PAPSS2: variants seen among roughly 807,000 people sequenced by gnomAD.
PAPSS2 encodes the protein 3'-phosphoadenosine 5'-phosphosulfate synthase 2, also known as bifunctional 3'-phosphoadenosine 5'-phosphosulfate synthase 2.
Under a neutral mutation model 66.5 loss-of-function variants are expected in PAPSS2, and 61 were observed. That is an observed-to-expected ratio of 0.92 (90% CI 0.75 to 1.14). PAPSS2 has a LOEUF of 1.14. PAPSS2 is among the 50% of genes most tolerant of loss of function. The probability of loss-of-function intolerance (pLI) is 0.00; values close to 1 mark genes in which losing one functional copy is unlikely to be tolerated. For missense variants in PAPSS2, 708 were observed against 789.6 expected (o/e 0.90, Z 1.24); for synonymous variants, 289 against 287.5 (o/e 1.01, Z -0.05).
rs138713474 is a variant in PAPSS2 at position 87,717,885 on chromosome 10, G to A, written c.865+2042G>A. Among the ~76,000 whole-genome samples the A allele has an allele frequency of 1.6e-3, 246 of 152,268 alleles. 1 individual carries two copies. Among genetic ancestry groups the A allele is most frequent in the African/African-American group, 5.6e-3 (232 of 41,554 alleles). ...TTATAGACAACAAATTCTTAAAAGA[G>A]TCTGTGATCCAAAAAGATGAAGAAC... On this transcript the variant is annotated intron_variant, in intron 7 of 12. Coordinates refer to ENST00000456849, the MANE Select transcript of PAPSS2 (RefSeq NM_001015880.2).
chr10:87,705,984 G>A (rs527746217), intron 1 of PAPSS2, among the ~76,000 whole-genome samples: 21 of 150,006 alleles, frequency 1.4e-4, no homozygotes, highest in Middle Eastern at 6.8e-3. Flanking sequence ...TGCCCGCCTC[G>A]GCCTCCCAGA....
chr10:87,684,746 T>A (rs1226133239), intron 1 of PAPSS2, among the ~76,000 whole-genome samples: 4 of 152,210 alleles, frequency 2.6e-5, no homozygotes, highest in African/African-American at 9.7e-5. Context: ...GTAGGTGCTA[T>A]TATTCCATCC....
intron 1 of PAPSS2, among the ~76,000 whole-genome samples, chr10:87,703,115 G>A (rs1853338036): frequency 1.3e-5 from 2 of 152,294 alleles, no homozygotes; most frequent in African/African-American, 4.8e-5. Context: ...CCAGGGCAAA[G>A]GCCATCCTCC....
chr10:87,724,511 T>A (rs922223205), intron 8 of PAPSS2, among the ~76,000 whole-genome samples: 18 of 151,702 alleles, frequency 1.2e-4, no homozygotes, highest in African/African-American at 4.1e-4. Flanking sequence ...ACAAACAGGA[T>A]GCATATCTGT....
intron 1 of PAPSS2, among the ~76,000 whole-genome samples, chr10:87,705,282 T>C (rs1331370742): frequency 6.6e-6 from 1 of 152,252 alleles, no homozygotes; most frequent in Non-Finnish European, 1.5e-5. Flanking sequence ...GATTATTGAA[T>C]AGTATAACCA....
chr10:87,743,020 C>A (rs1408097435), intron 10 of PAPSS2, among the ~76,000 whole-genome samples: 1 of 152,042 alleles, frequency 6.6e-6, no homozygotes, highest in Non-Finnish European at 1.5e-5. Flanking sequence ...CTGAGGCAGG[C>A]GGATCACTTG....
intron 9 of PAPSS2, among the ~76,000 whole-genome samples, chr10:87,730,031 C>A (rs1853709944): frequency 6.6e-6 from 1 of 152,116 alleles, no homozygotes; most frequent in African/African-American, 2.4e-5. Flanking sequence ...ATTAGGCCTC[C>A]TGGGCCAGTT....
intron 10 of PAPSS2, 92 bp from the exon 11 acceptor site, chr10:87,743,281 G>GAACAATA: frequency 8.2e-7 from 1 of 1,226,934 alleles, no homozygotes; most frequent in Non-Finnish European, 1.2e-6. Flanking sequence ...TGAATGCACA[G>GAACAATA]AACAATAAAC....
intron 1 of PAPSS2, among the ~76,000 whole-genome samples, chr10:87,682,271 G>A (rs1314682330): frequency 6.6e-6 from 1 of 152,152 alleles, no homozygotes; most frequent in African/African-American, 2.4e-5. Flanking sequence ...GTCTACAGAG[G>A]AGCAAAGGGT....
At chr10:87,665,835 T>C (rs1852809728) in intron 1 of PAPSS2, among the ~76,000 whole-genome samples, 1 of 152,240 alleles carries the variant, frequency 6.6e-6, no homozygotes, top group Non-Finnish European at 1.5e-5. Context: ...TATGCTCCTC[T>C]CAGCAAATAT....
intron 1 of PAPSS2, among the ~76,000 whole-genome samples, chr10:87,666,376 C>G (rs970270903): frequency 6.6e-6 from 1 of 152,236 alleles, no homozygotes; most frequent in South Asian, 2.1e-4. Context: ...GACCTCTACC[C>G]TTTCTAGATT....
intron 1 of PAPSS2, among the ~76,000 whole-genome samples, chr10:87,705,664 G>A (rs973032052): frequency 6.6e-6 from 1 of 151,960 alleles, no homozygotes; most frequent in Admixed American, 6.6e-5. Context: ...CTGGCCTTGT[G>A]TATGTCTTCC....
At chr10:87,676,061 A>T (rs1852942348) in intron 1 of PAPSS2, among the ~76,000 whole-genome samples, 1 of 149,266 alleles carries the variant, frequency 6.7e-6, no homozygotes, top group South Asian at 2.1e-4. Flanking sequence ...AATATTTAAA[A>T]TTAAATATTC....
chr10:87,701,319 C>CTTT (rs1853304868), intron 1 of PAPSS2, among the ~76,000 whole-genome samples: 23 of 95,552 alleles, frequency 2.4e-4, no homozygotes, highest in African/African-American at 1.1e-3. Context: ...TTCCTTCCTT[C>CTTT]CTTCCTTCCT....
intron 11 of PAPSS2, among the ~76,000 whole-genome samples, chr10:87,744,447 T>C (rs1257090586): frequency 1.3e-5 from 2 of 152,228 alleles, no homozygotes; most frequent in Non-Finnish European, 2.9e-5. Context: ...CCCTTTGGAA[T>C]GCCCCAAACT....
intron 1 of PAPSS2, among the ~76,000 whole-genome samples, chr10:87,707,996 T>A (rs1853413998): frequency 6.6e-6 from 1 of 152,230 alleles, no homozygotes; most frequent in Admixed American, 6.5e-5. Context: ...TGTCTGTCAT[T>A]AGAAATTCAA....
chr10:87,731,854 G>A (rs767003395), intron 9 of PAPSS2, among the ~76,000 whole-genome samples: 9 of 152,106 alleles, frequency 5.9e-5, no homozygotes, highest in Non-Finnish European at 1.0e-4. Context: ...CAAATAAATC[G>A]TTTTTTTGAG....
At chr10:87,684,578 T>C (rs2131907374) in intron 1 of PAPSS2, among the ~76,000 whole-genome samples, 1 of 152,356 alleles carries the variant, frequency 6.6e-6, no homozygotes, top group African/African-American at 2.4e-5. Context: ...TGTACTCTTC[T>C]GTGTTTGTAA....
intron 8 of PAPSS2, among the ~76,000 whole-genome samples, chr10:87,726,206 C>G (rs1853657466): frequency 2.6e-5 from 4 of 152,118 alleles, no homozygotes; most frequent in Admixed American, 2.6e-4. Context: ...CTGAGGTTGG[C>G]AGATCATGAG....
Sources: gnomAD v4.1 joint callset for allele counts (sites outside exome capture counted in the v4.1 genomes callset) on GRCh38, gnomAD v4.1.1 for gene constraint, MANE v1.5 for transcripts, NCBI Gene and HGNC (gene_info 2026-07-23, HGNC 2026-07-21) for gene names.